The following KCNAB1 variants were observed in gnomAD, a reference collection of about 807,000 sequenced individuals.
The protein encoded by KCNAB1 is potassium voltage-gated channel subfamily A regulatory beta subunit 1.
A neutral mutation model predicts 64.6 loss-of-function variants in KCNAB1; 35 were observed. The ratio of observed to expected loss-of-function variants is 0.54; its 90% CI spans 0.41 to 0.72. KCNAB1 has a LOEUF of 0.72. Ranked by LOEUF, KCNAB1 falls within the 30% of genes least tolerant of loss-of-function variation. The pLI is 0.00. For missense variants in KCNAB1, 401 were observed against 512.9 expected (o/e 0.78, Z 2.11); for synonymous variants, 177 against 183.8 (o/e 0.96, Z 0.30).
At chr3:156,304,951 G>A (rs547006123) in intron 1 of KCNAB1, among the ~76,000 whole-genome samples, 3 of 152,086 alleles carry the variant, frequency 2.0e-5, no homozygotes, top group South Asian at 4.2e-4. Flanking sequence ...GTATGTGAAT[G>A]TGTGTGTGAT....
intron 1 of KCNAB1, among the ~76,000 whole-genome samples, chr3:156,356,118 TAAA>T (rs369640404): frequency 3.4e-5 from 3 of 88,324 alleles, no homozygotes; most frequent in African/African-American, 6.8e-5. Context: ...TGGGACCCTG[TAAA>T]AAAAAAAAAA....
chr3:156,509,429 A>G (rs1717038571), intron 8 of KCNAB1, among the ~76,000 whole-genome samples: 1 of 152,072 alleles, frequency 6.6e-6, no homozygotes, highest in African/African-American at 2.4e-5. Context: ...ACACCCTGAG[A>G]CCATTGGTGT....
At chr3:156,159,806 C>T (rs1715968332) in intron 1 of KCNAB1, among the ~76,000 whole-genome samples, 1 of 151,986 alleles carries the variant, frequency 6.6e-6, no homozygotes, top group African/African-American at 2.4e-5. Context: ...GCTTTTGATC[C>T]ACCAGTTTTC....
At chr3:156,325,137 G>A (rs1208410307) in intron 1 of KCNAB1, among the ~76,000 whole-genome samples, 1 of 152,166 alleles carries the variant, frequency 6.6e-6, no homozygotes, top group Non-Finnish European at 1.5e-5. Flanking sequence ...AAAACCATGT[G>A]AGGTGGATAC....
chr3:156,510,332 C>T (rs1297079260), intron 8 of KCNAB1, among the ~76,000 whole-genome samples: 1 of 152,150 alleles, frequency 6.6e-6, no homozygotes, highest in South Asian at 2.1e-4. Flanking sequence ...CATGTCTTCC[C>T]ATGATGGTTC....
At chr3:156,506,439 T>C (rs1417935971) in intron 8 of KCNAB1, among the ~76,000 whole-genome samples, 1 of 152,136 alleles carries the variant, frequency 6.6e-6, no homozygotes, top group Non-Finnish European at 1.5e-5. Context: ...AATAAGGTTC[T>C]GAAATCATAT....
intron 1 of KCNAB1, among the ~76,000 whole-genome samples, chr3:156,274,225 A>G (rs1047388187): frequency 6.6e-6 from 1 of 152,206 alleles, no homozygotes; most frequent in African/African-American, 2.4e-5. Context: ...CAACAACCAC[A>G]AAACTATGCA....
chr3:156,231,826 C>A (rs1020657504), intron 1 of KCNAB1, among the ~76,000 whole-genome samples: 1 of 151,990 alleles, frequency 6.6e-6, no homozygotes, highest in Non-Finnish European at 1.5e-5. Context: ...AGTTGTCCTG[C>A]CTTTCTGAAA....
intron 11 of KCNAB1, among the ~76,000 whole-genome samples, chr3:156,522,927 T>A (rs756335): frequency 0.12 from 18,742 of 152,226 alleles, 1,231 homozygotes; most frequent in African/African-American, 0.17. Context: ...ACTAACACTC[T>A]TACAAATACT....
At chr3:156,529,747 G>C (rs571029458) in intron 12 of KCNAB1, among the ~76,000 whole-genome samples, 3 of 152,346 alleles carry the variant, frequency 2.0e-5, no homozygotes, top group African/African-American at 7.2e-5. Context: ...GTCAGAACAG[G>C]ACAGTTCTTA....
chr3:156,153,642 G>A (rs1264178617), intron 1 of KCNAB1, among the ~76,000 whole-genome samples: 1 of 152,188 alleles, frequency 6.6e-6, no homozygotes, highest in Non-Finnish European at 1.5e-5. Flanking sequence ...GAACAAAAAC[G>A]CTGACCTCTC....
upstream of KCNAB1, chr3:156,120,501 G>A (rs1461170321): frequency 1.1e-5 from 13 of 1,236,120 alleles, no homozygotes; most frequent in East Asian, 1.6e-4. Flanking sequence ...GGCAGGATAA[G>A]GTTAAGAGAG....
chr3:156,207,585 G>A (rs1028607714), intron 1 of KCNAB1, among the ~76,000 whole-genome samples: 1 of 152,078 alleles, frequency 6.6e-6, no homozygotes, highest in Non-Finnish European at 1.5e-5. Context: ...AAATTAAACA[G>A]GAACAATACA....
chr3:156,479,718 G>A (rs1288475240), intron 8 of KCNAB1, among the ~76,000 whole-genome samples: 1 of 152,094 alleles, frequency 6.6e-6, no homozygotes, highest in Non-Finnish European at 1.5e-5. Context: ...TATTCTTACA[G>A]AATTCCTGAG....
At chr3:156,335,070 C>G (rs1020550261) in intron 1 of KCNAB1, among the ~76,000 whole-genome samples, 1 of 152,198 alleles carries the variant, frequency 6.6e-6, no homozygotes, top group Non-Finnish European at 1.5e-5. Flanking sequence ...GGCTAAAACC[C>G]CAGTGGCTTT....
intron 1 of KCNAB1, among the ~76,000 whole-genome samples, chr3:156,351,759 T>G (rs1724873342): frequency 6.6e-6 from 1 of 152,236 alleles, no homozygotes; most frequent in African/African-American, 2.4e-5. Flanking sequence ...CTTTTATTTA[T>G]TCTAGTAGAT....
chr3:156,341,169 G>T (rs1227232412), intron 1 of KCNAB1, among the ~76,000 whole-genome samples: 2 of 152,188 alleles, frequency 1.3e-5, no homozygotes. Context: ...CACATTTATT[G>T]ATATAGATGT....
chr3:156,529,605 G>A (rs999851807), intron 12 of KCNAB1, among the ~76,000 whole-genome samples: 1 of 152,202 alleles, frequency 6.6e-6, no homozygotes, highest in Non-Finnish European at 1.5e-5. Context: ...CTCAGCGGGT[G>A]AGCCATAACA....
At chr3:156,154,254 C>G (rs1715585523) in intron 1 of KCNAB1, among the ~76,000 whole-genome samples, 1 of 152,294 alleles carries the variant, frequency 6.6e-6, no homozygotes, top group South Asian at 2.1e-4. Context: ...CTAACACACT[C>G]ATATTACAGA....
Sources: allele counts gnomAD v4.1 joint callset (sites outside exome capture counted in the v4.1 genomes callset), GRCh38; gene constraint gnomAD v4.1.1; transcripts MANE v1.5; gene names NCBI Gene and HGNC (gene_info 2026-07-23, HGNC 2026-07-21).